Variants in TMEM39A observed in about 807,000 individuals in gnomAD.
TMEM39A encodes transmembrane protein 39A.
In TMEM39A, 19 loss-of-function variants were observed where a neutral mutation model predicts 51.9. That is an observed-to-expected ratio of 0.37 (90% CI 0.26 to 0.54). TMEM39A has a LOEUF of 0.54. Ranked by LOEUF, TMEM39A falls within the 20% of genes least tolerant of loss-of-function variation. The pLI is 0.88. For missense variants in TMEM39A, 433 were observed against 590.5 expected (o/e 0.73, Z 2.76); for synonymous variants, 197 against 220.2 (o/e 0.89, Z 0.93).
At chr3:119,458,844 G>A (rs1470842341) in intron 2 of TMEM39A, among the ~76,000 whole-genome samples, 2 of 152,152 alleles carry the variant, frequency 1.3e-5, no homozygotes, top group African/African-American at 4.8e-5. Flanking sequence ...GTGGTGAGCT[G>A]AGGTAGCACC....
Position 119,452,490 on chromosome 3 carries a change from G to A in TMEM39A, c.377C>T (p.Thr126Ile), listed in dbSNP as rs2081213533. ...LIDYHLAAFI[T>I]VMLARRLVWA... ...TACAAGCCTCCTCGCAAGCATCACT[G>A]TGATGAATGCTGCCAGATGATAATC... Residue 126 changes from threonine (T) to isoleucine (I), a missense_variant, in exon 4 of 9, where the codon ACA becomes ATA. Transcript: ENST00000319172. The A allele has an allele frequency of 6.2e-7, 1 of 1,613,802 alleles. No individual in the cohort carries two copies. The highest frequency in any genetic ancestry group is 8.5e-7 in the Non-Finnish European group (1 of 1,179,800).
intron 3 of TMEM39A, among the ~76,000 whole-genome samples, chr3:119,456,113 T>G (rs1224259726): frequency 2.0e-5 from 3 of 152,232 alleles, no homozygotes; most frequent in African/African-American, 7.2e-5. Flanking sequence ...AATCTAAATA[T>G]TTTAATGTGT....
At chr3:119,435,629 G>C (rs2080958922) in intron 7 of TMEM39A, 19 of 983,638 alleles carry the variant, frequency 1.9e-5, no homozygotes, top group Non-Finnish European at 1.8e-5. Context: ...ATTTTGGAAA[G>C]GTTAGTTTCC....
In TMEM39A at chr3:119,429,108, G is replaced by A. The variant is rs990388349; in HGVS notation, c.*2873C>T. On this transcript the variant is annotated 3_prime_UTR_variant, in exon 9 of 9. Coordinates refer to ENST00000319172, the MANE Select transcript of TMEM39A (RefSeq NM_018266.3). ...CTGTCTTCTATTAGTTAATGAACTC[G>A]AACATCACTATCTCCGGCACCCAGC... Among the ~76,000 whole-genome samples the A allele has an allele frequency of 1.3e-5, 2 of 151,872 alleles. No homozygotes were observed. Among genetic ancestry groups the A allele is most frequent in the Non-Finnish European group, 2.9e-5 (2 of 67,946 alleles).
chr3:119,438,082 A>C lies in TMEM39A; in HGVS notation c.597T>G (p.Leu199=). The change falls in exon 6 of 9, where the codon CTT becomes CTG. Residue 199 remains leucine, a synonymous_variant. Coordinates refer to ENST00000319172, the MANE Select transcript of TMEM39A (RefSeq NM_018266.3). The stretch of plus-strand genomic sequence containing the variant: ...CTCTACTATCTTGATGAAAACAGCA[A>C]AGAGGAACATAAACACCAAACCTGT... ...LGYPFGVYVP[L]CCFHQDSRAH... is the part of the protein sequence containing the mutation. The C allele has an allele frequency of 6.3e-7, 1 of 1,590,384 alleles. No homozygotes were observed. The highest frequency in any genetic ancestry group is 8.6e-7 in the Non-Finnish European group (1 of 1,160,400).
intron 3 of TMEM39A, 73 bp from the exon 4 acceptor site, chr3:119,452,603 A>T: frequency 8.3e-7 from 1 of 1,197,808 alleles, no homozygotes; most frequent in Non-Finnish European, 1.2e-6. Context: ...ACAAGAATAG[A>T]GGTTTATCCC....
At chr3:119,442,007 C>T (rs2081059601) in intron 5 of TMEM39A, among the ~76,000 whole-genome samples, 1 of 152,154 alleles carries the variant, frequency 6.6e-6, no homozygotes, top group Non-Finnish European at 1.5e-5. Flanking sequence ...TGAATAAGCT[C>T]ACTGTTGAAC....
intron 4 of TMEM39A, among the ~76,000 whole-genome samples, chr3:119,450,992 TAC>T: frequency 6.6e-6 from 1 of 152,294 alleles, no homozygotes; most frequent in Admixed American, 6.5e-5. Flanking sequence ...ATTGGACATG[TAC>T]AAGTAGCATG....
intron 2 of TMEM39A, among the ~76,000 whole-genome samples, chr3:119,459,201 T>C (rs907452541): frequency 6.6e-6 from 1 of 152,246 alleles, no homozygotes; most frequent in Non-Finnish European, 1.5e-5. Context: ...TACAGTGATA[T>C]AAACTTTCCC....
intron 5 of TMEM39A, among the ~76,000 whole-genome samples, chr3:119,446,265 T>C (rs2081123426): frequency 6.6e-6 from 1 of 152,230 alleles, no homozygotes; most frequent in African/African-American, 2.4e-5. Flanking sequence ...CATACCTGAA[T>C]TGTGAGCATA....
In TMEM39A at chr3:119,431,969, T is replaced by A. The variant is rs529034165; in HGVS notation, c.*12A>T. 6.5e-7 allele frequency: 1 copy of A among 1,540,692 alleles called. No homozygotes were observed. Among genetic ancestry groups the A allele is most frequent in the East Asian group, 2.3e-5 (1 of 43,302 alleles). On this transcript the variant is annotated 3_prime_UTR_variant, in exon 9 of 9. Transcript: ENST00000319172. ...TTTTTATCTGAGTTCTCCCTCATTG[T>A]TGAGAGGCAGCTTAGTTTGCCTTGA...
chr3:119,432,681 C>T (rs2080916634), intron 8 of TMEM39A, among the ~76,000 whole-genome samples: 3 of 152,140 alleles, frequency 2.0e-5, no homozygotes, highest in African/African-American at 7.2e-5. Context: ...GGCTTGTAAA[C>T]TAAGACATAA....
intron 5 of TMEM39A, among the ~76,000 whole-genome samples, chr3:119,443,030 C>A (rs2081075588): frequency 7.0e-6 from 1 of 142,314 alleles, no homozygotes. Flanking sequence ...TATACCACTG[C>A]ACTCCAACCT....
Position 119,432,072 on chromosome 3 carries a change from T to C in TMEM39A, c.1376A>G (p.Tyr459Cys). ...LSMALILFCN[Y>C]YVLFKLLRDR... Reference sequence around the variant, plus strand: ...CCGGAGAAGTTTAAATAAAACATAGTAGTTGCAGAAGAGGATGAGAGCCAT... The same window carrying C: ...CCGGAGAAGTTTAAATAAAACATAGCAGTTGCAGAAGAGGATGAGAGCCAT... The change falls in exon 9 of 9, where the codon TAC (tyrosine) becomes TGC (cysteine). Residue 459 changes from tyrosine (Y) to cysteine (C), a missense_variant. Physicochemically the swap from Tyr to Cys is radical, Grantham distance 194. Around this residue, in one of 3 missense-constraint regions of TMEM39A, gnomAD observed 223 missense variants for 328.1 expected, o/e 0.68. Transcript: ENST00000319172. 2 of 1,613,130 alleles carry C rather than the reference T, an allele frequency of 1.2e-6. No homozygotes were observed. The highest frequency in any genetic ancestry group is 1.7e-6 in the Non-Finnish European group (2 of 1,179,466).
Position 119,458,010 on chromosome 3 carries a change from A to C in TMEM39A, c.336+8T>G, listed in dbSNP as rs978891345. On this transcript the variant is annotated splice_region_variant and intron_variant, in intron 3 of 8. Transcript: ENST00000319172. Reference sequence around the variant, plus strand: ...ACATGAAGAACTTAAAGTCTGAGTAAGACTTACCAGTGATGTACAAGAAGC... The same window carrying C: ...ACATGAAGAACTTAAAGTCTGAGTACGACTTACCAGTGATGTACAAGAAGC... 1.1e-5 allele frequency: 17 copies of C among 1,606,496 alleles called. No individual in the cohort carries two copies. Among genetic ancestry groups the C allele is most frequent in the Non-Finnish European group, 1.4e-5 (17 of 1,173,316 alleles).
Position 119,433,944 on chromosome 3 carries a change from T to C in TMEM39A, c.1233+818A>G, listed in dbSNP as rs540248959. On this transcript the variant is annotated intron_variant, in intron 8 of 8. Transcript: ENST00000319172. The stretch of plus-strand genomic sequence containing the variant: ...AACACCTGCAGAACCAGAAAGTCCA[T>C]ATACCCTCACAGGAACTGAGAAGGA... Among the ~76,000 whole-genome samples, 63 of 152,300 alleles carry C rather than the reference T, an allele frequency of 4.1e-4. 1 individual carries two copies. The highest frequency in any genetic ancestry group is 5.2e-4 in the Admixed American group (8 of 15,292).
chr3:119,451,842 A>AAAAG (rs2081204225), intron 4 of TMEM39A, among the ~76,000 whole-genome samples: 1 of 151,104 alleles, frequency 6.6e-6, no homozygotes, highest in African/African-American at 2.4e-5. Flanking sequence ...AAAAAAAAAA[A>AAAAG]AAAAAAAAAA....
At chr3:119,433,833 AC>A (rs1169062022) in intron 8 of TMEM39A, among the ~76,000 whole-genome samples, 2 of 152,070 alleles carry the variant, frequency 1.3e-5, no homozygotes, top group Admixed American at 6.5e-5. Context: ...AATCTGCCCC[AC>A]CCTGCATTCC....
At chr3:119,460,482 A>G (rs1007665628) in intron 2 of TMEM39A, among the ~76,000 whole-genome samples, 3 of 152,198 alleles carry the variant, frequency 2.0e-5, no homozygotes, top group African/African-American at 4.8e-5. Context: ...GATATTTTAC[A>G]TAGTATCTTA....
Sources: allele counts gnomAD v4.1 joint callset (sites outside exome capture counted in the v4.1 genomes callset), GRCh38; gene constraint gnomAD v4.1.1; regional missense constraint gnomAD v4.1.1; transcripts MANE v1.5; gene names NCBI Gene and HGNC (gene_info 2026-07-23, HGNC 2026-07-21).